The following CADM2 variants were observed in gnomAD, a reference collection of about 807,000 sequenced individuals.
CADM2 encodes cell adhesion molecule 2.
A neutral mutation model predicts 49.8 loss-of-function variants in CADM2; 12 were observed. That is an observed-to-expected ratio of 0.24 (90% confidence interval 0.15 to 0.39). The LOEUF is 0.39. Among genes scored for constraint, CADM2 ranks in the 10% least tolerant of loss-of-function variants. The probability of loss-of-function intolerance (pLI) is 1.00; values close to 1 mark genes in which losing one functional copy is unlikely to be tolerated. For missense variants in CADM2, 378 were observed against 492.3 expected (o/e 0.77, Z 2.20); for synonymous variants, 214 against 175.4 (o/e 1.22, Z -1.74).
chr3:85,055,260 A>T (rs906791763), intron 1 of CADM2, among the ~76,000 whole-genome samples: 3 of 152,016 alleles, frequency 2.0e-5, no homozygotes, highest in Non-Finnish European at 4.4e-5. Flanking sequence ...AGAACTTTAA[A>T]ACCACATGTT....
intron 8 of CADM2, among the ~76,000 whole-genome samples, chr3:86,028,452 T>TA (rs1048698429): frequency 3.3e-5 from 5 of 152,052 alleles, no homozygotes; most frequent in Non-Finnish European, 5.9e-5. Flanking sequence ...CCAAGAACCA[T>TA]AAAAAAAGTG....
At chr3:85,304,858 G>A (rs979401406) in intron 1 of CADM2, among the ~76,000 whole-genome samples, 5 of 151,472 alleles carry the variant, frequency 3.3e-5, no homozygotes, top group Non-Finnish European at 7.4e-5. Context: ...TGTCCTTCAA[G>A]GACATAGTCT....
At chr3:85,949,075 C>G (rs778857519) in intron 7 of CADM2, among the ~76,000 whole-genome samples, 1 of 151,398 alleles carries the variant, frequency 6.6e-6, no homozygotes, top group Non-Finnish European at 1.5e-5. Context: ...AATATAACAG[C>G]AATGAAGCTC....
At chr3:85,487,514 GA>G (rs1301855591) in intron 1 of CADM2, among the ~76,000 whole-genome samples, 1 of 151,702 alleles carries the variant, frequency 6.6e-6, no homozygotes, top group African/African-American at 2.4e-5. Flanking sequence ...GGAGGAAGTG[GA>G]GGAGGAGAAG....
intron 1 of CADM2, among the ~76,000 whole-genome samples, chr3:85,026,505 A>G (rs2034734442): frequency 1.3e-5 from 2 of 152,192 alleles, no homozygotes; most frequent in African/African-American, 4.8e-5. Context: ...CTTATGAAAC[A>G]TTAAGATTAA....
chr3:85,911,730 T>C (rs1362370122), intron 5 of CADM2, among the ~76,000 whole-genome samples: 1 of 152,180 alleles, frequency 6.6e-6, no homozygotes, highest in Non-Finnish European at 1.5e-5. Context: ...ATTAAGATTA[T>C]GTTTTAGTAA....
intron 1 of CADM2, among the ~76,000 whole-genome samples, chr3:85,181,796 C>A (rs546277865): frequency 3.5e-4 from 53 of 150,386 alleles, no homozygotes; most frequent in Admixed American, 7.3e-4. Context: ...TGTTATATAT[C>A]TCTCTCTATA....
chr3:85,294,291 G>A (rs900718508), intron 1 of CADM2, among the ~76,000 whole-genome samples: 1 of 152,110 alleles, frequency 6.6e-6, no homozygotes, highest in Non-Finnish European at 1.5e-5. Flanking sequence ...AATAAAAGAG[G>A]ATACAAACAA....
At chr3:85,217,289 A>C (rs2107784377) in intron 1 of CADM2, among the ~76,000 whole-genome samples, 1 of 151,978 alleles carries the variant, frequency 6.6e-6, no homozygotes, top group African/African-American at 2.4e-5. Flanking sequence ...TCATAAAATA[A>C]GCATAGCAAA....
chr3:85,935,921 C>A, intron 7 of CADM2, 64 bp downstream of exon 7: 2 of 883,358 alleles, frequency 2.3e-6, no homozygotes, highest in Non-Finnish European at 1.8e-6. Context: ...TTGATTACAG[C>A]CTTTAACTGT....
At chr3:85,819,501 C>A (rs1232126004) in intron 3 of CADM2, among the ~76,000 whole-genome samples, 1 of 152,118 alleles carries the variant, frequency 6.6e-6, no homozygotes, top group Non-Finnish European at 1.5e-5. Context: ...TCCCGATTTT[C>A]AAACTAGGAG....
intron 1 of CADM2, among the ~76,000 whole-genome samples, chr3:85,368,024 G>A (rs775029626): frequency 6.6e-6 from 1 of 151,890 alleles, no homozygotes; most frequent in Non-Finnish European, 1.5e-5. Flanking sequence ...AGAAATAACT[G>A]AAGAAAAAAC....
intron 2 of CADM2, among the ~76,000 whole-genome samples, chr3:85,765,702 T>G (rs979956920): frequency 1.3e-5 from 2 of 152,086 alleles, no homozygotes; most frequent in African/African-American, 4.8e-5. Context: ...TATTTCTTAT[T>G]TATTATTTTT....
chr3:86,044,960 C>CA (rs1292934694), intron 8 of CADM2, among the ~76,000 whole-genome samples: 5 of 148,558 alleles, frequency 3.4e-5, no homozygotes. Flanking sequence ...ATGGCAAGGA[C>CA]AAAAAACCAA....
intron 6 of CADM2, among the ~76,000 whole-genome samples, chr3:85,920,046 C>T (rs996079387): frequency 7.2e-5 from 11 of 151,816 alleles, no homozygotes; most frequent in East Asian, 5.8e-4. Flanking sequence ...CAAACCCGTA[C>T]GTTTCTCTAG....
At chr3:85,445,853 C>CT (rs1180604658) in intron 1 of CADM2, among the ~76,000 whole-genome samples, 1 of 151,976 alleles carries the variant, frequency 6.6e-6, no homozygotes, top group Non-Finnish European at 1.5e-5. Flanking sequence ...GTGAATAAAT[C>CT]TTTTTTTGAA....
intron 1 of CADM2, among the ~76,000 whole-genome samples, chr3:85,373,350 C>G (rs543094447): frequency 6.6e-6 from 1 of 152,288 alleles, no homozygotes; most frequent in South Asian, 2.1e-4. Flanking sequence ...CTCCATGTCA[C>G]ACATCCAGGT....
chr3:85,159,087 CAT>C (rs532877827), intron 1 of CADM2, among the ~76,000 whole-genome samples: 262 of 152,262 alleles, frequency 1.7e-3, no homozygotes, highest in African/African-American at 5.8e-3. Context: ...TACCTATAAA[CAT>C]ATTTTATACT....
At chr3:85,092,845 T>C (rs2037649381) in intron 1 of CADM2, among the ~76,000 whole-genome samples, 1 of 152,210 alleles carries the variant, frequency 6.6e-6, no homozygotes, top group African/African-American at 2.4e-5. Context: ...CCTTTGAAAG[T>C]AATGCAGACT....
Sources: gnomAD v4.1 joint callset for allele counts (sites outside exome capture counted in the v4.1 genomes callset) on GRCh38, gnomAD v4.1.1 for gene constraint, MANE v1.5 for transcripts, NCBI Gene and HGNC (gene_info 2026-07-23, HGNC 2026-07-21) for gene names.